The following POT1 variants were observed in gnomAD, a reference collection of about 807,000 sequenced individuals.
The protein encoded by POT1 is protection of telomeres protein 1.
A neutral mutation model predicts 78.5 loss-of-function variants in POT1; 47 were observed. That is an observed-to-expected ratio of 0.60 (90% confidence interval 0.47 to 0.76). The LOEUF (loss-of-function observed/expected upper bound fraction) is 0.76, where lower values mean the gene tolerates loss of function less well. POT1 is among the 30% of genes least tolerant of loss of function. The pLI, the probability that POT1 is intolerant of heterozygous loss-of-function variation, is 0.00. For synonymous variants in POT1, 259 were observed against 260.7 expected (o/e 0.99, Z 0.06); for missense variants, 646 against 749.9 (o/e 0.86, Z 1.62).
chr7:124,892,052 T>C (rs978525582), intron 6 of POT1, among the ~76,000 whole-genome samples: 1 of 151,644 alleles, frequency 6.6e-6, no homozygotes, highest in Admixed American at 6.6e-5. Flanking sequence ...CTTTGCTTCA[T>C]TCTTTGTCCT....
intron 14 of POT1, among the ~76,000 whole-genome samples, chr7:124,836,453 A>G (rs1562978459): frequency 6.6e-6 from 1 of 152,308 alleles, no homozygotes; most frequent in East Asian, 1.9e-4. Context: ...CATGCTACTT[A>G]AAAGTTTCAC....
rs1584510302 is a variant in POT1 at position 124,897,227 on chromosome 7, G to T, written c.-39-15C>A. 1.6e-5 allele frequency: 21 copies of T among 1,276,834 alleles called. No individual in the cohort carries two copies. Among genetic ancestry groups the T allele is most frequent in the Non-Finnish European group, 2.0e-5 (18 of 908,456 alleles). 79.1% of individuals were successfully genotyped at this position (1,276,834 alleles called of 1,614,324 possible). On this transcript the variant is annotated splice_polypyrimidine_tract_variant and intron_variant, in intron 4 of 18. Coordinates refer to ENST00000357628, the MANE Select transcript of POT1 (RefSeq NM_015450.3). ...TTGACATAAACCTGAAGGAAAAAAAGAAAGAACTTATTTGTATACAGATAA... is the reference window on the plus strand; with the variant it reads ...TTGACATAAACCTGAAGGAAAAAAATAAAGAACTTATTTGTATACAGATAA...
At chr7:124,840,949 A>G (rs1204349319) in intron 14 of POT1, 24 bp downstream of exon 14, 2 of 1,548,596 alleles carry the variant, frequency 1.3e-6, no homozygotes, top group African/African-American at 2.7e-5. Flanking sequence ...GTATTCTAAC[A>G]AAACAGTGAC....
chr7:124,830,449 T>C (rs928794489), intron 15 of POT1, among the ~76,000 whole-genome samples: 4 of 152,170 alleles, frequency 2.6e-5, no homozygotes, highest in Admixed American at 6.5e-5. Flanking sequence ...ATTAAATATA[T>C]AGGTGTTTCT....
chr7:124,864,591 T>A (rs886858527), intron 7 of POT1, among the ~76,000 whole-genome samples: 4 of 152,172 alleles, frequency 2.6e-5, no homozygotes, highest in Admixed American at 2.6e-4. Flanking sequence ...TTCTTAGCTA[T>A]GAATAAATCT....
At chr7:124,929,031 A>T (rs1361435912) in intron 1 of POT1, 32 bp from the exon 2 acceptor site, 2 of 152,560 alleles carry the variant, frequency 1.3e-5, no homozygotes, top group Non-Finnish European at 2.9e-5. Flanking sequence ...TTTACCCAAA[A>T]TGAAGTCAAT....
intron 9 of POT1, among the ~76,000 whole-genome samples, chr7:124,856,407 A>G (rs1477953722): frequency 6.6e-6 from 1 of 151,804 alleles, no homozygotes; most frequent in Non-Finnish European, 1.5e-5. Flanking sequence ...CAAATAATAT[A>G]ATGCTATTGA....
At chr7:124,852,513 C>G (rs1295548706) in intron 10 of POT1, among the ~76,000 whole-genome samples, 1 of 152,100 alleles carries the variant, frequency 6.6e-6, no homozygotes, top group Non-Finnish European at 1.5e-5. Context: ...TATTTACTTT[C>G]TGGCACATGT....
chr7:124,827,735 G>A lies in POT1; in HGVS notation c.1595-430C>T, dbSNP rs868520461. 1.1e-4 allele frequency among the ~76,000 whole-genome samples: 16 copies of A among 152,134 alleles called. 1 individual carries two copies. The Middle Eastern group carries it at 0.01, about 97-fold the overall frequency. On this transcript the variant is annotated intron_variant, in intron 16 of 18. Transcript: ENST00000357628. The stretch of plus-strand genomic sequence containing the variant: ...TTAATCTTTTTGATTAAATATTAAC[G>A]TATTTAAAATAAGTTGACACCCTCA...
chr7:124,842,827 A>C lies in POT1; in HGVS notation c.1143T>G (p.His381Gln). 6.3e-7 allele frequency: 1 copy of C among 1,598,888 alleles called. No individual in the cohort carries two copies. Among genetic ancestry groups the C allele is most frequent in the Non-Finnish European group, 8.5e-7 (1 of 1,176,402 alleles). The change falls in exon 13 of 19, where the codon CAT becomes CAG. Residue 381 changes from histidine (H) to glutamine (Q), a missense_variant. This residue lies in a region of POT1 where 394 missense variants were observed against 408.4 expected (regional missense o/e 0.96). Transcript: ENST00000357628. ...PRRLFQSVKL[H>Q]CPKCHLLQEV... The stretch of plus-strand genomic sequence containing the variant: ...CTCACAGCAAATGACATTTAGGGCA[A>C]TGAAGTTTAACAGACTGAAATAGTC...
At chr7:124,881,984 A>C (rs1796129765) in intron 6 of POT1, among the ~76,000 whole-genome samples, 1 of 152,020 alleles carries the variant, frequency 6.6e-6, no homozygotes, top group African/African-American at 2.4e-5. Context: ...CTTTGGTAAT[A>C]ATTCACATAG....
rs543655435 is a variant in POT1, at chr7:124,881,745, G to A, written c.124+10521C>T. ...CCTTATTTTTTGCTCTTTCCCAAACGAAGGTACAAAGCTAAAGGTAATTTA... is the reference window on the plus strand; with the variant it reads ...CCTTATTTTTTGCTCTTTCCCAAACAAAGGTACAAAGCTAAAGGTAATTTA... On this transcript the variant is annotated intron_variant, in intron 6 of 18. Coordinates refer to ENST00000357628, the MANE Select transcript of POT1 (RefSeq NM_015450.3). Among the ~76,000 whole-genome samples, 44 of 151,994 alleles carry A rather than the reference G, an allele frequency of 2.9e-4. No individual in the cohort carries two copies. The East Asian group carries it at 7.9e-3, about 27-fold the overall frequency.
At chr7:124,864,666 A>G (rs1795678162) in intron 7 of POT1, among the ~76,000 whole-genome samples, 1 of 152,056 alleles carries the variant, frequency 6.6e-6, no homozygotes, top group African/African-American at 2.4e-5. Flanking sequence ...TTTCCATTTC[A>G]TACTTGCCAC....
At chr7:124,830,582 C>T (rs1794736286) in intron 15 of POT1, among the ~76,000 whole-genome samples, 1 of 151,726 alleles carries the variant, frequency 6.6e-6, no homozygotes, top group African/African-American at 2.4e-5. Flanking sequence ...GATATTAAGT[C>T]AAAATTAAAT....
chr7:124,877,208 G>T lies in POT1; in HGVS notation c.125-6167C>A, dbSNP rs1042404768. Among the ~76,000 whole-genome samples, 10 of 152,274 alleles carry T rather than the reference G, an allele frequency of 6.6e-5. No homozygotes were observed. In the East Asian group the frequency reaches 1.5e-3, roughly 24 times the overall value. On this transcript the variant is annotated intron_variant, in intron 6 of 18. Coordinates refer to ENST00000357628, the MANE Select transcript of POT1 (RefSeq NM_015450.3). Reference sequence around the variant, plus strand: ...AGACTTTTCTATCAACATGACTGGGGTTACTAAAAAGACAACAAATCAATG... The same window carrying T: ...AGACTTTTCTATCAACATGACTGGGTTTACTAAAAAGACAACAAATCAATG...
chr7:124,829,388 A>G (rs1254552145), intron 15 of POT1, 46 bp from the exon 16 acceptor site: 4 of 1,281,814 alleles, frequency 3.1e-6, no homozygotes, highest in Admixed American at 4.1e-5. Flanking sequence ...AAAATAATTT[A>G]GCTTGTTTGT....
chr7:124,824,111 TAAAACAA>T, intron 18 of POT1, 37 bp from the exon 19 acceptor site: 1 of 1,268,978 alleles, frequency 7.9e-7, no homozygotes, highest in African/African-American at 1.5e-5. Flanking sequence ...ATTTAACCAT[TAAAACAA>T]AATAAATAAC....
chr7:124,919,093 G>A (rs542552695), intron 2 of POT1, among the ~76,000 whole-genome samples: 53 of 152,114 alleles, frequency 3.5e-4, no homozygotes, highest in Non-Finnish European at 4.4e-4. Context: ...ACTATACACC[G>A]AGGCTATACA....
At chr7:124,898,154 A>T (rs2116646262) in intron 4 of POT1, 107 bp downstream of exon 4, 1 of 152,166 alleles carries the variant, frequency 6.6e-6, no homozygotes, top group African/African-American at 2.4e-5. Context: ...AAAATAATTT[A>T]GTCAGACCAA....
Sources: gnomAD v4.1 joint callset for allele counts (sites outside exome capture counted in the v4.1 genomes callset) on GRCh38, gnomAD v4.1.1 for gene constraint, gnomAD v4.1.1 regional missense constraint, MANE v1.5 for transcripts, NCBI Gene and HGNC (gene_info 2026-07-23, HGNC 2026-07-21) for gene names.